MYT1L: variants seen among roughly 807,000 people sequenced by gnomAD.
MYT1L encodes the protein myelin transcription factor 1-like protein.
In MYT1L, 12 loss-of-function variants were observed where a neutral mutation model predicts 126.7. The observed-to-expected ratio is 0.09, with a 90% CI of 0.06 to 0.15. The LOEUF (loss-of-function observed/expected upper bound fraction) is 0.15, where lower values mean the gene tolerates loss of function less well. Among genes scored for constraint, MYT1L ranks in the 10% least tolerant of loss-of-function variants. The probability of loss-of-function intolerance (pLI) is 1.00; values close to 1 mark genes in which losing one functional copy is unlikely to be tolerated. For missense variants in MYT1L, 979 were observed against 1,585.2 expected, an observed-to-expected ratio of 0.62 and a Z score of 6.49; for synonymous variants, 541 against 604.2, an observed-to-expected ratio of 0.90 and a Z score of 1.53.
At chr2:1,877,135 C>T (rs1198747853) in intron 18 of MYT1L, among the ~76,000 whole-genome samples, 1 of 152,202 alleles carries the variant, frequency 6.6e-6, no homozygotes, top group African/African-American at 2.4e-5. Context: ...GGGAGACCCC[C>T]GTGGTTGCAG....
chr2:2,116,613 C>G (rs372022827), intron 3 of MYT1L, among the ~76,000 whole-genome samples: 63 of 152,364 alleles, frequency 4.1e-4, no homozygotes, highest in African/African-American at 1.4e-3. Flanking sequence ...CTATGACTCT[C>G]TTTTGATCAA....
chr2:2,040,491 G>A (rs561942843), intron 4 of MYT1L, among the ~76,000 whole-genome samples: 3 of 152,278 alleles, frequency 2.0e-5, no homozygotes, highest in East Asian at 1.9e-4. Flanking sequence ...GGGTGTCCCC[G>A]TTCCAGAAGT....
At chr2:1,802,897 TCAAAA>T (rs2035094333) in intron 22 of MYT1L, among the ~76,000 whole-genome samples, 1 of 152,146 alleles carries the variant, frequency 6.6e-6, no homozygotes, top group African/African-American at 2.4e-5. Flanking sequence ...GGATCTTTAC[TCAAAA>T]CTAATGGAAA....
At chr2:1,955,703 G>T (rs951291922) in intron 8 of MYT1L, among the ~76,000 whole-genome samples, 4 of 152,158 alleles carry the variant, frequency 2.6e-5, no homozygotes, top group Admixed American at 6.5e-5. Flanking sequence ...TGTGGCAATG[G>T]TCAGTTACAA....
At chr2:1,931,389 C>A (rs908674216) in intron 9 of MYT1L, among the ~76,000 whole-genome samples, 1 of 150,786 alleles carries the variant, frequency 6.6e-6, no homozygotes, top group African/African-American at 2.5e-5. Context: ...GCGATGCCCA[C>A]GTCTGCTGCG....
At chr2:1,994,123 GTCAT>G (rs2061646717) in intron 5 of MYT1L, among the ~76,000 whole-genome samples, 1 of 152,126 alleles carries the variant, frequency 6.6e-6, no homozygotes, top group Admixed American at 6.5e-5. Context: ...AACGTTTTCG[GTCAT>G]TCAGTCATTT....
intron 8 of MYT1L, among the ~76,000 whole-genome samples, chr2:1,963,492 T>C (rs1023895851): frequency 1.3e-5 from 2 of 152,328 alleles, no homozygotes; most frequent in Admixed American, 6.5e-5. Flanking sequence ...AACCCAGATA[T>C]TGACTTTTCC....
chr2:1,940,928 G>A lies in MYT1L; in HGVS notation c.505+2054C>T, dbSNP rs561186806. ...GGTCCTGAGGCACGATCAGCCAGTC[G>A]CTCCTTTGGCGGTGCTGTCACACAT... On this transcript the variant is annotated intron_variant, in intron 9 of 24. Transcript: ENST00000647738. Among the ~76,000 whole-genome samples, 9 of 152,320 alleles carry A rather than the reference G, an allele frequency of 5.9e-5. No individual in the cohort carries two copies. In the South Asian group the frequency reaches 1.0e-3, roughly 18 times the overall value.
At chr2:2,122,219 G>A (rs980324148) in intron 3 of MYT1L, among the ~76,000 whole-genome samples, 1 of 152,168 alleles carries the variant, frequency 6.6e-6, no homozygotes, top group African/African-American at 2.4e-5. Context: ...TGGAGTCTGA[G>A]TGCTACTTCT....
intron 1 of MYT1L, among the ~76,000 whole-genome samples, chr2:2,292,149 T>A (rs910546792): frequency 6.6e-6 from 1 of 152,128 alleles, no homozygotes; most frequent in Non-Finnish European, 1.5e-5. Context: ...AGGTGAAGGC[T>A]CTACTATCCT....
At chr2:2,117,502 C>T (rs1380109103) in intron 3 of MYT1L, among the ~76,000 whole-genome samples, 1 of 151,942 alleles carries the variant, frequency 6.6e-6, no homozygotes, top group Admixed American at 6.5e-5. Flanking sequence ...TGTGTCACTC[C>T]CAAGGAAGCC....
chr2:2,161,708 CG>C (rs1452075067), intron 3 of MYT1L, among the ~76,000 whole-genome samples: 3 of 152,156 alleles, frequency 2.0e-5, no homozygotes, highest in Non-Finnish European at 4.4e-5. Context: ...GTGCTGGGGA[CG>C]CCAGCTCCCA....
intron 2 of MYT1L, among the ~76,000 whole-genome samples, chr2:2,273,146 C>T (rs2149353638): frequency 6.6e-6 from 1 of 152,286 alleles, no homozygotes; most frequent in South Asian, 2.1e-4. Context: ...ATTCTGGACT[C>T]TTCCCTGGTG....
Position 1,889,977 on chromosome 2 carries a change from C to T in MYT1L, c.2284-500G>A, listed in dbSNP as rs758630004. On this transcript the variant is annotated intron_variant, in intron 15 of 24. Transcript: ENST00000647738. The surrounding 1 kb of genome is among the most constrained non-coding windows in gnomAD (Gnocchi z 4.1). ...TTAAAAATTCTCTTTTTTATTGATGCTAATAGTTCAAGAATTAGGGAGGAG... is the reference window on the plus strand; with the variant it reads ...TTAAAAATTCTCTTTTTTATTGATGTTAATAGTTCAAGAATTAGGGAGGAG... Among the ~76,000 whole-genome samples the T allele has an allele frequency of 2.6e-5, 4 of 151,700 alleles. No homozygotes were observed. Among genetic ancestry groups the T allele is most frequent in the Admixed American group, 6.6e-5 (1 of 15,212 alleles).
At chr2:2,229,158 A>G (rs182111954) in intron 2 of MYT1L, among the ~76,000 whole-genome samples, 1 of 152,366 alleles carries the variant, frequency 6.6e-6, no homozygotes, top group East Asian at 1.9e-4. Flanking sequence ...TAACATAACT[A>G]TCTTCTCTAT....
chr2:1,975,678 A>C (rs1410553228), intron 8 of MYT1L, among the ~76,000 whole-genome samples: 3 of 152,222 alleles, frequency 2.0e-5, no homozygotes, highest in Non-Finnish European at 2.9e-5. Flanking sequence ...ACCCTGGCCA[A>C]CATGGTGAAA....
Position 1,979,877 on chromosome 2 carries a change from T to C in MYT1L, c.1-100A>G, listed in dbSNP as rs1574186375. 1.1e-5 allele frequency: 13 copies of C among 1,219,080 alleles called. No homozygotes were observed. In the South Asian group the frequency reaches 1.1e-4, roughly 11 times the overall value. The allele number at this position is 1,219,080 out of a possible 1,614,324, so 75.5% of individuals were successfully genotyped here. A position where few individuals can be genotyped will look rare whatever the true frequency, so the allele number is the denominator to read the frequency against. ...CCCTGGCATTCTATTAATGGGGCTT[T>C]AATCCTGTTTCCCTCCATGAAGGGA... On this transcript the variant is annotated intron_variant, in intron 5 of 24. Coordinates refer to ENST00000647738, the MANE Select transcript of MYT1L (RefSeq NM_001303052.2). This position sits in a 1 kb window ranked among gnomAD's most constrained non-coding sequence, Gnocchi z 4.0.
chr2:2,260,661 T>C (rs1395429437), intron 2 of MYT1L, among the ~76,000 whole-genome samples: 1 of 152,222 alleles, frequency 6.6e-6, no homozygotes, highest in African/African-American at 2.4e-5. Context: ...TGAATTATTT[T>C]TTTTTTGTTA....
intron 18 of MYT1L, among the ~76,000 whole-genome samples, chr2:1,868,446 A>T (rs1351315403): frequency 6.6e-6 from 1 of 151,032 alleles, no homozygotes; most frequent in Admixed American, 6.6e-5. Flanking sequence ...AGAGGAAGGA[A>T]GGAAGGAAGG....
Sources: allele counts gnomAD v4.1 joint callset (sites outside exome capture counted in the v4.1 genomes callset), GRCh38; gene constraint gnomAD v4.1.1; non-coding constraint Gnocchi (gnomAD v3.1); transcripts MANE v1.5; gene names NCBI Gene and HGNC (gene_info 2026-07-23, HGNC 2026-07-21).